The following LRMDA variants were observed in gnomAD, a reference collection of about 807,000 sequenced individuals.
LRMDA encodes the protein leucine-rich melanocyte differentiation-associated protein.
LRMDA carries 18 observed loss-of-function variants against 29.8 expected under a neutral mutation model. The ratio of observed to expected loss-of-function variants is 0.60; its 90% CI spans 0.42 to 0.90. LRMDA has a LOEUF of 0.90. LRMDA is among the 40% of genes least tolerant of loss of function. The pLI is 0.00. For synonymous variants in LRMDA, 125 were observed against 109.4 expected, an observed-to-expected ratio of 1.14 and a Z score of -0.89; for missense variants, 273 against 273.9, an observed-to-expected ratio of 1.00 and a Z score of 0.02.
At chr10:75,568,416 G>T (rs187468409) in intron 2 of LRMDA, among the ~76,000 whole-genome samples, 11 of 152,260 alleles carry the variant, frequency 7.2e-5, no homozygotes, top group Admixed American at 7.2e-4. Context: ...TTTTCAGCAG[G>T]TGCTTTGTAA....
intron 2 of LRMDA, among the ~76,000 whole-genome samples, chr10:75,982,975 G>C (rs2132451205): frequency 6.6e-6 from 1 of 152,238 alleles, no homozygotes; most frequent in Non-Finnish European, 1.5e-5. Context: ...TTCAAGAGAG[G>C]GTAAATATCT....
At chr10:76,070,033 T>A (rs1256877505) in intron 5 of LRMDA, among the ~76,000 whole-genome samples, 1 of 152,218 alleles carries the variant, frequency 6.6e-6, no homozygotes, top group African/African-American at 2.4e-5. Context: ...TTCTACCTCC[T>A]GTTATTGGTT....
chr10:75,546,671 A>G (rs1427377221), intron 2 of LRMDA, among the ~76,000 whole-genome samples: 2 of 152,210 alleles, frequency 1.3e-5, no homozygotes, highest in Non-Finnish European at 2.9e-5. Context: ...AGCAAGGCAA[A>G]AGAAGTGTAA....
intron 5 of LRMDA, among the ~76,000 whole-genome samples, chr10:76,248,529 T>C (rs1564699605): frequency 6.6e-6 from 1 of 152,186 alleles, no homozygotes; most frequent in East Asian, 1.9e-4. Context: ...TTTCTAATTT[T>C]AAAATGCCTT....
chr10:75,764,326 G>A (rs554695262), intron 2 of LRMDA, among the ~76,000 whole-genome samples: 3 of 152,090 alleles, frequency 2.0e-5, no homozygotes, highest in Non-Finnish European at 2.9e-5. Flanking sequence ...TTCCAGCTCC[G>A]GTGCAAAGCA....
At chr10:76,235,578 C>T (rs533109959) in intron 5 of LRMDA, among the ~76,000 whole-genome samples, 3 of 152,216 alleles carry the variant, frequency 2.0e-5, no homozygotes, top group South Asian at 4.1e-4. Context: ...TGACAGCCTG[C>T]GACAGGGTCT....
At chr10:76,373,009 G>A (rs1457891296) in intron 6 of LRMDA, among the ~76,000 whole-genome samples, 2 of 152,150 alleles carry the variant, frequency 1.3e-5, no homozygotes, top group Admixed American at 6.5e-5. Context: ...CTCTTCAGGT[G>A]CTCATTGCAT....
chr10:75,719,266 T>C (rs1002581571), intron 2 of LRMDA, among the ~76,000 whole-genome samples: 3 of 152,180 alleles, frequency 2.0e-5, no homozygotes, highest in African/African-American at 7.2e-5. Flanking sequence ...CAATGATTGG[T>C]GAGATGATGT....
chr10:75,556,989 A>G (rs1840222605), intron 2 of LRMDA, among the ~76,000 whole-genome samples: 1 of 152,062 alleles, frequency 6.6e-6, no homozygotes, highest in African/African-American at 2.4e-5. Flanking sequence ...GGAAGAAAGG[A>G]ATAAAACTGA....
intron 6 of LRMDA, among the ~76,000 whole-genome samples, chr10:76,553,039 T>C (rs1320404012): frequency 6.6e-6 from 1 of 152,190 alleles, no homozygotes; most frequent in African/African-American, 2.4e-5. Flanking sequence ...AGATTCTTCC[T>C]GATACTTTTT....
chr10:76,522,341 G>A (rs1049464431), intron 6 of LRMDA, among the ~76,000 whole-genome samples: 2 of 152,158 alleles, frequency 1.3e-5, no homozygotes, highest in Non-Finnish European at 2.9e-5. Context: ...GAAAGCAAAA[G>A]GCAACTATAA....
At chr10:76,129,715 G>A (rs1388939089) in intron 5 of LRMDA, among the ~76,000 whole-genome samples, 3 of 152,082 alleles carry the variant, frequency 2.0e-5, no homozygotes, top group Non-Finnish European at 4.4e-5. Context: ...TTTACCAGTG[G>A]GGTTCTGTTT....
At chr10:75,830,755 T>C (rs1844326831) in intron 2 of LRMDA, among the ~76,000 whole-genome samples, 1 of 152,162 alleles carries the variant, frequency 6.6e-6, no homozygotes, top group African/African-American at 2.4e-5. Flanking sequence ...CCCTGGGCCA[T>C]CCCAAATCTC....
At chr10:76,320,898 C>T (rs1322634351) in intron 5 of LRMDA, among the ~76,000 whole-genome samples, 1 of 152,158 alleles carries the variant, frequency 6.6e-6, no homozygotes, top group Non-Finnish European at 1.5e-5. Flanking sequence ...TCCCTGCATA[C>T]ATGAAATCAA....
intron 2 of LRMDA, among the ~76,000 whole-genome samples, chr10:75,575,308 T>G (rs1840490283): frequency 6.6e-6 from 1 of 152,174 alleles, no homozygotes; most frequent in East Asian, 1.9e-4. Flanking sequence ...TGAAATACAA[T>G]CATGCCTTCC....
chr10:75,836,500 G>T (rs1844439410), intron 2 of LRMDA, among the ~76,000 whole-genome samples: 1 of 152,204 alleles, frequency 6.6e-6, no homozygotes, highest in African/African-American at 2.4e-5. Context: ...AGGGCAGTAA[G>T]TATGATGATT....
chr10:75,938,547 A>T (rs993895837), intron 2 of LRMDA, among the ~76,000 whole-genome samples: 2 of 152,178 alleles, frequency 1.3e-5, no homozygotes, highest in Non-Finnish European at 2.9e-5. Context: ...CTAATTGTGA[A>T]GCCAAAGCAT....
intron 2 of LRMDA, among the ~76,000 whole-genome samples, chr10:75,778,666 A>C (rs1003690893): frequency 6.6e-6 from 1 of 152,226 alleles, no homozygotes; most frequent in Non-Finnish European, 1.5e-5. Context: ...AAACTGGAAA[A>C]TCAAAATGAA....
intron 5 of LRMDA, among the ~76,000 whole-genome samples, chr10:76,130,309 C>CCCCA (rs1385248790): frequency 6.6e-6 from 1 of 152,168 alleles, no homozygotes; most frequent in African/African-American, 2.4e-5. Context: ...TAGTAAGGAA[C>CCCCA]CCCATTTGGG....
Sources: gnomAD v4.1 joint callset for allele counts (sites outside exome capture counted in the v4.1 genomes callset) on GRCh38, gnomAD v4.1.1 for gene constraint, MANE v1.5 for transcripts, NCBI Gene and HGNC (gene_info 2026-07-23, HGNC 2026-07-21) for gene names.